ARHGAP32: variants seen among roughly 807,000 people sequenced by gnomAD.
ARHGAP32 encodes Rho GTPase activating protein 32.
Under a neutral mutation model 186.5 loss-of-function variants are expected in ARHGAP32, and 51 were observed. That is an observed-to-expected ratio of 0.27 (90% CI 0.22 to 0.35). The LOEUF is 0.35. Among genes scored for constraint, ARHGAP32 ranks in the 10% least tolerant of loss-of-function variants. The pLI is 1.00. For synonymous variants in ARHGAP32, 950 were observed against 964.3 expected, an observed-to-expected ratio of 0.99 and a Z score of 0.27; for missense variants, 2,186 against 2,623.5, an observed-to-expected ratio of 0.83 and a Z score of 3.64.
chr11:129,013,355 T>TG (rs1938183358), intron 11 of ARHGAP32, among the ~76,000 whole-genome samples: 1 of 152,096 alleles, frequency 6.6e-6, no homozygotes, highest in East Asian at 1.9e-4. Context: ...GGTGTGTGAG[T>TG]GGGAGGGGTG....
chr11:129,208,164 C>T (rs1335291477), intron 1 of ARHGAP32, among the ~76,000 whole-genome samples: 2 of 152,248 alleles, frequency 1.3e-5, no homozygotes, highest in East Asian at 3.9e-4. Flanking sequence ...ACAAGCACTC[C>T]TATTTGGTCA....
chr11:129,054,185 AC>A (rs1940162514), intron 10 of ARHGAP32, among the ~76,000 whole-genome samples: 1 of 151,444 alleles, frequency 6.6e-6, no homozygotes, highest in African/African-American at 2.5e-5. Flanking sequence ...CTCATGGAAA[AC>A]CAAGAGAACA....
intron 1 of ARHGAP32, among the ~76,000 whole-genome samples, chr11:129,257,983 T>A (rs114488406): frequency 5.1e-4 from 78 of 152,298 alleles, no homozygotes; most frequent in African/African-American, 1.8e-3. Context: ...TCTTCAGTCT[T>A]CTTTATCTTT....
intron 10 of ARHGAP32, among the ~76,000 whole-genome samples, chr11:129,043,589 T>C (rs949010887): frequency 6.6e-6 from 1 of 152,050 alleles, no homozygotes; most frequent in East Asian, 1.9e-4. Flanking sequence ...GTTTTCTCCA[T>C]GTTGGTCAGG....
At chr11:129,022,595 G>T (rs990485446) in intron 11 of ARHGAP32, among the ~76,000 whole-genome samples, 8 of 152,104 alleles carry the variant, frequency 5.3e-5, no homozygotes, top group Non-Finnish European at 1.2e-4. Context: ...CTCTCACTAA[G>T]GTTACTATGA....
chr11:129,224,515 G>T (rs115423119), intron 1 of ARHGAP32, among the ~76,000 whole-genome samples: 1 of 151,896 alleles, frequency 6.6e-6, no homozygotes, highest in East Asian at 1.9e-4. Flanking sequence ...CTGAATCTCC[G>T]TAAGAACAGC....
chr11:129,199,089 T>C (rs1431512584), intron 1 of ARHGAP32, among the ~76,000 whole-genome samples: 1 of 152,196 alleles, frequency 6.6e-6, no homozygotes, highest in African/African-American at 2.4e-5. Context: ...ATTTAGGGTA[T>C]CTGGCAGAAG....
rs1284760897 is a variant in ARHGAP32, at chr11:129,062,290, T to C, written c.953A>G (p.His318Arg). The C allele has an allele frequency of 8.7e-6, 14 of 1,613,604 alleles. No individual in the cohort carries two copies. In the Admixed American group the frequency reaches 2.0e-4, roughly 23 times the overall value. ...TTTGCTGCTGCCTACCTGGAATCCG[T>C]GCTTGCCTCTCCACCATGTGCTTAA... Reference protein sequence around the residue: ...KVLSTWWRGKHGFQVGLFPGH... With the variant: ...KVLSTWWRGKRGFQVGLFPGH... Residue 318 changes from histidine to arginine, a missense_variant, in exon 10 of 23, where the codon CAC becomes CGC. Coordinates refer to ENST00000682385, the MANE Select transcript of ARHGAP32 (RefSeq NM_001378024.1).
At chr11:129,007,862 T>A (rs944197906) in intron 11 of ARHGAP32, among the ~76,000 whole-genome samples, 2 of 152,186 alleles carry the variant, frequency 1.3e-5, no homozygotes, top group Non-Finnish European at 2.9e-5. Context: ...CACTTTAGCT[T>A]GCAGTGGTGA....
At chr11:129,257,231 C>T (rs890328941) in intron 1 of ARHGAP32, among the ~76,000 whole-genome samples, 1 of 152,138 alleles carries the variant, frequency 6.6e-6, no homozygotes, top group African/African-American at 2.4e-5. Flanking sequence ...ATAATGTTTA[C>T]CAATATTGAA....
intron 10 of ARHGAP32, among the ~76,000 whole-genome samples, chr11:129,054,488 T>C (rs1313892014): frequency 1.3e-5 from 2 of 152,206 alleles, no homozygotes; most frequent in African/African-American, 2.4e-5. Flanking sequence ...CACGTTTCTC[T>C]CATTCAGATA....
intron 6 of ARHGAP32, among the ~76,000 whole-genome samples, chr11:129,083,918 C>T (rs1342618648): frequency 6.6e-6 from 1 of 151,864 alleles, no homozygotes; most frequent in East Asian, 1.9e-4. Context: ...AGCTTCTAGC[C>T]AAACTAACTT....
chr11:128,991,108 G>C (rs542331965), intron 12 of ARHGAP32, among the ~76,000 whole-genome samples: 1 of 152,250 alleles, frequency 6.6e-6, no homozygotes, highest in African/African-American at 2.4e-5. Flanking sequence ...GTGTATATCT[G>C]TGTGTTATTA....
chr11:129,035,158 T>C (rs1051971832), intron 11 of ARHGAP32, among the ~76,000 whole-genome samples: 11 of 150,920 alleles, frequency 7.3e-5, no homozygotes, highest in African/African-American at 2.4e-4. Context: ...AGCTTCCCCC[T>C]CTTTTGTTTC....
At chr11:129,072,965 G>A (rs769610963) in intron 6 of ARHGAP32, among the ~76,000 whole-genome samples, 29 of 152,126 alleles carry the variant, frequency 1.9e-4, no homozygotes, top group Non-Finnish European at 4.3e-4. Context: ...GGGGAGAAGA[G>A]GAATACCAAA....
At chr11:129,135,766 CAAAA>C (rs35164099) in intron 2 of ARHGAP32, among the ~76,000 whole-genome samples, 2 of 150,296 alleles carry the variant, frequency 1.3e-5, no homozygotes, top group African/African-American at 2.4e-5. Flanking sequence ...GACTCCATCT[CAAAA>C]AAAAACAAAC....
chr11:129,186,543 A>G (rs1176073865), intron 1 of ARHGAP32, among the ~76,000 whole-genome samples: 1 of 152,222 alleles, frequency 6.6e-6, no homozygotes, highest in East Asian at 1.9e-4. Flanking sequence ...AGAATATTTT[A>G]GAAGCTTCTA....
intron 11 of ARHGAP32, among the ~76,000 whole-genome samples, chr11:129,010,028 G>A (rs1192298559): frequency 6.6e-6 from 1 of 152,166 alleles, no homozygotes; most frequent in African/African-American, 2.4e-5. Context: ...GCGTGAGATG[G>A]TATCTCATTG....
At chr11:129,182,770 A>C (rs1944083515) in intron 1 of ARHGAP32, among the ~76,000 whole-genome samples, 1 of 151,820 alleles carries the variant, frequency 6.6e-6, no homozygotes, top group East Asian at 1.9e-4. Context: ...CAGTCTCCTG[A>C]GTACCTGGGA....
Sources: gnomAD v4.1 joint callset for allele counts (sites outside exome capture counted in the v4.1 genomes callset) on GRCh38, gnomAD v4.1.1 for gene constraint, MANE v1.5 for transcripts, NCBI Gene and HGNC (gene_info 2026-07-23, HGNC 2026-07-21) for gene names.